The following ZC3HAV1 variants were observed in gnomAD, a reference collection of about 807,000 sequenced individuals.
ZC3HAV1 encodes zinc finger CCCH-type antiviral protein 1.
In ZC3HAV1, 41 loss-of-function variants were observed where a neutral mutation model predicts 86.6. The observed-to-expected ratio is 0.47, with a 90% CI of 0.37 to 0.61. The LOEUF (loss-of-function observed/expected upper bound fraction) is 0.61. Ranked by LOEUF, ZC3HAV1 falls within the 20% of genes least tolerant of loss-of-function variation. The pLI, the probability that ZC3HAV1 is intolerant of heterozygous loss-of-function variation, is 0.00. For synonymous variants in ZC3HAV1, 421 were observed against 432.1 expected, an observed-to-expected ratio of 0.97 and a Z score of 0.32; for missense variants, 964 against 1,141.1, an observed-to-expected ratio of 0.84 and a Z score of 2.24.
chr7:139,088,175 T>C (rs996199758), intron 2 of ZC3HAV1, among the ~76,000 whole-genome samples: 3 of 152,182 alleles, frequency 2.0e-5, no homozygotes, highest in Non-Finnish European at 4.4e-5. Context: ...TCTCTATTCA[T>C]GGATTTTATC....
intron 7 of ZC3HAV1, among the ~76,000 whole-genome samples, chr7:139,071,449 C>A (rs1214325031): frequency 2.0e-5 from 3 of 152,174 alleles, no homozygotes; most frequent in Non-Finnish European, 2.9e-5. Flanking sequence ...TTTGCCAACC[C>A]TTCCCCTTTA....
intron 9 of ZC3HAV1, among the ~76,000 whole-genome samples, chr7:139,059,530 T>C (rs188356404): frequency 1.3e-5 from 2 of 151,280 alleles, no homozygotes; most frequent in Admixed American, 6.6e-5. Context: ...GGCAGGAGAA[T>C]CACTTCAACC....
chr7:139,061,899 C>A (rs1194334322), intron 8 of ZC3HAV1, among the ~76,000 whole-genome samples: 1 of 152,196 alleles, frequency 6.6e-6, no homozygotes, highest in Non-Finnish European at 1.5e-5. Context: ...AAAAGAGGAA[C>A]AACTACTATA....
intron 4 of ZC3HAV1, 88 bp from the exon 5 acceptor site, chr7:139,078,741 CTG>C: frequency 1.0e-6 from 1 of 986,438 alleles, no homozygotes; most frequent in South Asian, 1.8e-5. Context: ...GAAAGAATAT[CTG>C]AAATGGGGGC....
intron 7 of ZC3HAV1, among the ~76,000 whole-genome samples, chr7:139,068,967 G>A (rs1045810672): frequency 6.6e-6 from 1 of 152,250 alleles, no homozygotes; most frequent in Non-Finnish European, 1.5e-5. Flanking sequence ...AACTCTCAAA[G>A]TCCCTCTCTT....
Position 139,073,947 on chromosome 7 carries a change from G to C in ZC3HAV1, c.1781C>G (p.Ser594Cys), listed in dbSNP as rs142594623. ...FPIRRLSTPS[S>C]VTKPANSVFT... Reference sequence around the variant, plus strand: ...GACAGAATTGGCTGGCTTGGTGACAGAAGAAGGAGTGGAGAGGCGTCGGAT... The same window carrying C: ...GACAGAATTGGCTGGCTTGGTGACACAAGAAGGAGTGGAGAGGCGTCGGAT... Residue 594 changes from serine (S) to cysteine (C), a missense_variant, in exon 7 of 13, where the codon TCT (serine) becomes TGT (cysteine). By Grantham distance (112) the Ser-to-Cys change is moderately radical. Coordinates refer to ENST00000242351, the MANE Select transcript of ZC3HAV1 (RefSeq NM_020119.4). 6.2e-7 allele frequency: 1 copy of C among 1,613,922 alleles called. No homozygotes were observed. Among genetic ancestry groups the C allele is most frequent in the African/African-American group, 1.3e-5 (1 of 74,950 alleles).
intron 5 of ZC3HAV1, 55 bp downstream of exon 5, chr7:139,078,497 T>C (rs1817022256): frequency 7.4e-7 from 1 of 1,358,508 alleles, no homozygotes; most frequent in Non-Finnish European, 1.0e-6. Context: ...CATAGCAGTG[T>C]TATTTACAAT....
chr7:139,101,861 C>A (rs1198570265), intron 1 of ZC3HAV1, among the ~76,000 whole-genome samples: 2 of 151,982 alleles, frequency 1.3e-5, no homozygotes, highest in African/African-American at 2.4e-5. Flanking sequence ...CCCAGGGACA[C>A]AAACACTGCG....
chr7:139,106,823 G>C (rs1285888645), intron 1 of ZC3HAV1, among the ~76,000 whole-genome samples: 1 of 139,872 alleles, frequency 7.1e-6, no homozygotes, highest in Non-Finnish European at 1.7e-5. Flanking sequence ...AAAGTACTTA[G>C]TAATCAAATG....
chr7:139,059,823 G>A (rs1403368510), intron 9 of ZC3HAV1, among the ~76,000 whole-genome samples: 3 of 152,056 alleles, frequency 2.0e-5, no homozygotes, highest in African/African-American at 7.2e-5. Context: ...AATAGCAGGG[G>A]AATAAAAATA....
At position 139,078,618 on chromosome 7, in the gene ZC3HAV1, TAGA is replaced by T; in HGVS notation, c.1504_1506del (p.Ser502del). The T allele has an allele frequency of 2.5e-6, 4 of 1,589,468 alleles. No homozygotes were observed. The highest frequency in any genetic ancestry group is 3.4e-6 in the Non-Finnish European group (4 of 1,173,612). On this transcript the variant is annotated inframe_deletion, in exon 5 of 13. Transcript: ENST00000242351. ...TCCTCTGAGTCATGATCATCCACCC[TAGA>T]AGATGTGGTACTTGTGACATCAGAT...
chr7:139,101,481 T>C (rs1817765003), intron 1 of ZC3HAV1, among the ~76,000 whole-genome samples: 3 of 107,390 alleles, frequency 2.8e-5, no homozygotes, highest in Non-Finnish European at 3.7e-5. Flanking sequence ...GAGGAGCGCC[T>C]CAGCCCGGCC....
At chr7:139,075,395 G>A (rs919911048) in intron 6 of ZC3HAV1, among the ~76,000 whole-genome samples, 4 of 152,144 alleles carry the variant, frequency 2.6e-5, no homozygotes, top group African/African-American at 9.6e-5. Context: ...CGGTCATATG[G>A]GTATCACCCA....
rs761449560 is a variant in ZC3HAV1 at position 139,078,620 on chromosome 7, G to A, written c.1505C>T (p.Ser502Phe). The stretch of plus-strand genomic sequence containing the variant: ...CTCTGAGTCATGATCATCCACCCTA[G>A]AAGATGTGGTACTTGTGACATCAGA... ...SLSDVTSTTS[S>F]RVDDHDSEEI... The change falls in exon 5 of 13, where the codon TCT becomes TTT. Residue 502 changes from serine to phenylalanine, a missense_variant. Physicochemically the swap from Ser to Phe is radical, Grantham distance 155 (BLOSUM62 -2). Coordinates refer to ENST00000242351, the MANE Select transcript of ZC3HAV1 (RefSeq NM_020119.4). 8 of 1,587,820 alleles carry A rather than the reference G, an allele frequency of 5.0e-6. No individual in the cohort carries two copies. The Admixed American group carries it at 1.4e-4, about 27-fold the overall frequency.
At position 139,044,482 on chromosome 7, in the gene ZC3HAV1, C is replaced by T. The variant is rs910922953; in HGVS notation, c.*3112G>A. Reference sequence around the variant, plus strand: ...TTTCTCCTTAATAAGAGAGTTAGGGCATTAAATTGATTTTTTTAAGAAATT... The same window carrying T: ...TTTCTCCTTAATAAGAGAGTTAGGGTATTAAATTGATTTTTTTAAGAAATT... On this transcript the variant is annotated 3_prime_UTR_variant, in exon 13 of 13. Transcript: ENST00000242351. 6.6e-6 allele frequency: 1 copy of T among 152,048 alleles called. No homozygotes were observed. The highest frequency in any genetic ancestry group is 2.4e-5 in the African/African-American group (1 of 41,386). 9.4% of individuals were successfully genotyped at this position (152,048 alleles called of 1,614,324 possible).
At chr7:139,079,332 C>T (rs771925680) in intron 4 of ZC3HAV1, 138 bp downstream of exon 4, 7 of 1,558,458 alleles carry the variant, frequency 4.5e-6, no homozygotes, top group Non-Finnish European at 5.2e-6. Flanking sequence ...TCTTTTTCTG[C>T]CTTGACTGCC....
chr7:139,083,772 GCCTTTA>G lies in ZC3HAV1; in HGVS notation c.697+2_697+7del, dbSNP rs768408609. ...AGTTCACACAATTGAAAAAGAAAAG[GCCTTTA>G]CCTCTGGGCCCTGGGGGATTCTTCT... On this transcript the variant is annotated splice_donor_variant and splice_donor_5th_base_variant and intron_variant, in intron 3 of 12. Coordinates refer to ENST00000242351, the MANE Select transcript of ZC3HAV1 (RefSeq NM_020119.4). LOFTEE classifies it high-confidence loss of function. 2 of 1,598,554 alleles carry G rather than the reference GCCTTTA, an allele frequency of 1.3e-6. No individual in the cohort carries two copies. Among genetic ancestry groups the G allele is most frequent in the Non-Finnish European group, 1.7e-6 (2 of 1,170,860 alleles).
chr7:139,062,928 C>CTGAG (rs1020263375), intron 8 of ZC3HAV1, among the ~76,000 whole-genome samples: 7 of 147,106 alleles, frequency 4.8e-5, no homozygotes, highest in Admixed American at 2.1e-4. Flanking sequence ...ACTTGGGAGG[C>CTGAG]TGAGGCAAGA....
At chr7:139,105,169 G>A (rs773147188) in intron 1 of ZC3HAV1, among the ~76,000 whole-genome samples, 3 of 151,890 alleles carry the variant, frequency 2.0e-5, no homozygotes, top group Non-Finnish European at 4.4e-5. Context: ...AGCTATGACC[G>A]TGCCACTGCA....
Sources: gnomAD v4.1 joint callset for allele counts (sites outside exome capture counted in the v4.1 genomes callset) on GRCh38, gnomAD v4.1.1 for gene constraint, MANE v1.5 for transcripts, NCBI Gene and HGNC (gene_info 2026-07-23, HGNC 2026-07-21) for gene names.